Variants in MIDEAS observed in about 807,000 individuals in gnomAD.
The protein encoded by MIDEAS is mitotic deacetylase associated SANT domain protein.
MIDEAS carries 26 observed loss-of-function variants against 102.7 expected under a neutral mutation model. The observed-to-expected ratio is 0.25, with a 90% CI of 0.19 to 0.35. MIDEAS has a LOEUF of 0.35. Among genes scored for constraint, MIDEAS ranks in the 10% least tolerant of loss-of-function variants. MIDEAS has a pLI of 1.00. For synonymous variants in MIDEAS, 585 were observed against 591.0 expected (o/e 0.99, Z 0.15); for missense variants, 1,231 against 1,435.6 (o/e 0.86, Z 2.30).
chr14:73,736,455 C>A (rs1265487180), intron 3 of MIDEAS, among the ~76,000 whole-genome samples: 2 of 151,988 alleles, frequency 1.3e-5, no homozygotes, highest in African/African-American at 4.8e-5. Context: ...CATGGTGAAA[C>A]CCCATCTCTA....
chr14:73,727,332 T>A, intron 5 of MIDEAS, 126 bp downstream of exon 5: 1 of 996,354 alleles, frequency 1.0e-6, no homozygotes, highest in East Asian at 2.5e-5. Context: ...ATACAGAAGC[T>A]CAAGGAGGCC....
intron 3 of MIDEAS, among the ~76,000 whole-genome samples, chr14:73,736,390 A>G (rs12588916): frequency 0.68 from 102,734 of 151,830 alleles, 35,027 homozygotes; most frequent in East Asian, 0.86. Context: ...CCAAAACTCT[A>G]GGAGGCTGAG....
chr14:73,743,997 G>A (rs1310734017), intron 1 of MIDEAS, among the ~76,000 whole-genome samples: 1 of 151,642 alleles, frequency 6.6e-6, no homozygotes, highest in Non-Finnish European at 1.5e-5. Context: ...CAGGCTTTCA[G>A]GAAGTTCTAT....
At chr14:73,784,109 T>C (rs970002213) in intron 1 of MIDEAS, among the ~76,000 whole-genome samples, 14 of 152,238 alleles carry the variant, frequency 9.2e-5, no homozygotes, top group African/African-American at 3.1e-4. Flanking sequence ...TATTTTTTCC[T>C]CTTAGAACAA....
intron 1 of MIDEAS, among the ~76,000 whole-genome samples, chr14:73,769,044 T>C (rs1218755317): frequency 6.6e-6 from 1 of 152,204 alleles, no homozygotes; most frequent in Non-Finnish European, 1.5e-5. Context: ...TCTGAGTGCG[T>C]AACTCCTGGG....
intron 1 of MIDEAS, among the ~76,000 whole-genome samples, chr14:73,779,609 C>T (rs1299745914): frequency 4.2e-5 from 5 of 119,586 alleles, no homozygotes; most frequent in South Asian, 2.8e-4. Context: ...CTCGCTCTGT[C>T]GCCCAGGCTG....
chr14:73,740,340 C>T (rs988992920), intron 1 of MIDEAS, 85 bp from the exon 2 acceptor site: 1 of 399,342 alleles, frequency 2.5e-6, no homozygotes, highest in Non-Finnish European at 4.4e-6. Context: ...AAAGGGGCTC[C>T]AAGGGCCTTC....
rs946258541 is a variant in MIDEAS, at chr14:73,730,293, C to T, written c.1750-308G>A. On this transcript the variant is annotated intron_variant, in intron 3 of 12. Transcript: ENST00000423556. ...TAAAACTAACTGTATAAAATTGTAA[C>T]ACATTCTTAGCTCTGGATCTGGCCC... 9 of 474,042 alleles carry T rather than the reference C, an allele frequency of 1.9e-5. No homozygotes were observed. In the Admixed American group the frequency reaches 2.7e-4, roughly 14 times the overall value. The allele number at this position is 474,042 out of a possible 1,614,324, so 29.4% of individuals were successfully genotyped here.
In MIDEAS at chr14:73,715,623, C is replaced by A. The variant is rs2052874234; in HGVS notation, c.*3220G>T. 6.6e-6 allele frequency: 1 copy of A among 152,436 alleles called. No individual in the cohort carries two copies. 9.4% of individuals were successfully genotyped at this position (152,436 alleles called of 1,614,324 possible). A position where few individuals can be genotyped will look rare whatever the true frequency, so the allele number is the denominator to read the frequency against. ...CAATTGTTTTATAAAAATATCCCTA[C>A]TTCCTGTAAACCTATGGAGTTAGGC... On this transcript the variant is annotated 3_prime_UTR_variant, in exon 13 of 13. Coordinates refer to ENST00000423556, the MANE Select transcript of MIDEAS (RefSeq NM_001367710.1).
chr14:73,736,945 G>A, intron 3 of MIDEAS, 53 bp downstream of exon 3: 2 of 1,551,742 alleles, frequency 1.3e-6, no homozygotes, highest in Non-Finnish European at 1.8e-6. Context: ...TAGGGTCCTG[G>A]GCCCCCTGAG....
At position 73,729,655 on chromosome 14, in the gene MIDEAS, T is replaced by C; in HGVS notation, c.2080A>G (p.Thr694Ala). The stretch of plus-strand genomic sequence containing the variant: ...GGTCACTCACTAGTCCGGAGCAGCG[T>C]GCGATGGGCACTCTTAGGCGTGATG... ...PPITPKSAHRTLLRTNSAEVT... is the reference protein window; with the variant it reads ...PPITPKSAHRALLRTNSAEVT... The change falls in exon 4 of 13, where the codon ACG (threonine) becomes GCG (alanine). Residue 694 changes from threonine (T) to alanine (A), a missense_variant. By Grantham distance (58) the Thr-to-Ala change is moderately conservative (BLOSUM62 0). Coordinates refer to ENST00000423556, the MANE Select transcript of MIDEAS (RefSeq NM_001367710.1). 1 of 1,609,966 alleles carries C rather than the reference T, an allele frequency of 6.2e-7. No homozygotes were observed. Among genetic ancestry groups the C allele is most frequent in the Non-Finnish European group, 8.5e-7 (1 of 1,177,440 alleles).
intron 10 of MIDEAS, among the ~76,000 whole-genome samples, chr14:73,722,089 A>G (rs2053003266): frequency 6.6e-6 from 1 of 152,184 alleles, no homozygotes; most frequent in Admixed American, 6.5e-5. Flanking sequence ...ATACTTCTCT[A>G]GACTTGATAA....
chr14:73,788,357 T>G (rs2053838466), upstream of MIDEAS, among the ~76,000 whole-genome samples: 2 of 152,210 alleles, frequency 1.3e-5, no homozygotes. Context: ...CCCCTTTCAA[T>G]GCTTCATCTT....
In MIDEAS at chr14:73,739,176, G is replaced by A. The variant is rs1385871883; in HGVS notation, c.833C>T (p.Pro278Leu). The A allele has an allele frequency of 3.7e-6, 6 of 1,613,886 alleles. No homozygotes were observed. Among genetic ancestry groups the A allele is most frequent in the Admixed American group, 1.7e-5 (1 of 60,008 alleles). The change falls in exon 2 of 13, where the codon CCG becomes CTG. Residue 278 changes from proline (P) to leucine (L), a missense_variant. Transcript: ENST00000423556. The part of the protein sequence containing the change: ...MPLFENFYSM[P>L]QQPSQQPQDF... ...CTGGGGTTGCTGCGAGGGTTGCTGCGGCATGGAATAGAAGTTCTCAAAGAG... is the reference window on the plus strand; with the variant it reads ...CTGGGGTTGCTGCGAGGGTTGCTGCAGCATGGAATAGAAGTTCTCAAAGAG...
In MIDEAS at chr14:73,744,046, G is replaced by A. The variant is rs2140132139; in HGVS notation, c.-247-3791C>T. On this transcript the variant is annotated intron_variant, in intron 1 of 12. Coordinates refer to ENST00000423556, the MANE Select transcript of MIDEAS (RefSeq NM_001367710.1). Reference sequence around the variant, plus strand: ...TACTCTCTATAGAAGAAAGCAGTGTGCACCAGGAAAAAAAAATAAAAAACA... The same window carrying A: ...TACTCTCTATAGAAGAAAGCAGTGTACACCAGGAAAAAAAAATAAAAAACA... 1.4e-5 allele frequency among the ~76,000 whole-genome samples: 2 copies of A among 144,096 alleles called. 1 individual carries two copies. Among genetic ancestry groups the A allele is most frequent in the South Asian group, 4.3e-4 (2 of 4,692 alleles). 94.5% of individuals were successfully genotyped at this position (144,096 alleles called of 152,430 possible). A position where few individuals can be genotyped will look rare whatever the true frequency, so the allele number is the denominator to read the frequency against.
Position 73,718,170 on chromosome 14 carries a change from T to G in MIDEAS, c.*673A>C, listed in dbSNP as rs1391031954. Reference sequence around the variant, plus strand: ...GCCCCTCCCCCAACGCTGAGAAAACTTTCTAGCCCTAGCAAGGCCGCCAGC... The same window carrying G: ...GCCCCTCCCCCAACGCTGAGAAAACGTTCTAGCCCTAGCAAGGCCGCCAGC... On this transcript the variant is annotated 3_prime_UTR_variant, in exon 13 of 13. Transcript: ENST00000423556. 1 of 152,318 alleles carries G rather than the reference T, an allele frequency of 6.6e-6. No homozygotes were observed. The highest frequency in any genetic ancestry group is 1.5e-5 in the Non-Finnish European group (1 of 68,224). 9.4% of individuals were successfully genotyped at this position (152,318 alleles called of 1,614,324 possible).
Position 73,781,840 on chromosome 14 carries a change from C to T in MIDEAS, c.-248+5262G>A, listed in dbSNP as rs183344613. Reference sequence around the variant, plus strand: ...GGGAGGCCAAGGCGGGTGGATCACCCGAAGTCAAGGGTTCAAGACCAGCCT... The same window carrying T: ...GGGAGGCCAAGGCGGGTGGATCACCTGAAGTCAAGGGTTCAAGACCAGCCT... On this transcript the variant is annotated intron_variant, in intron 1 of 11. Coordinates refer to the MIDEAS transcript ENST00000394071. Among the ~76,000 whole-genome samples, 11 of 151,966 alleles carry T rather than the reference C, an allele frequency of 7.2e-5. No homozygotes were observed. In the East Asian group the frequency reaches 1.2e-3, roughly 16 times the overall value.
rs1041481319 is a variant in MIDEAS at position 73,719,240 on chromosome 14, C to A, written c.3134+65G>T. On this transcript the variant is annotated intron_variant, in intron 12 of 12. Transcript: ENST00000423556. ...TACCTCTTCCCCCTCCCCTCCACCC[C>A]ACCCCCGCCCCCTCCGCGCACCAGC... 50 of 1,486,090 alleles carry A rather than the reference C, an allele frequency of 3.4e-5. 1 individual carries two copies. The highest frequency in any genetic ancestry group is 4.4e-5 in the Non-Finnish European group (49 of 1,114,682). The allele number at this position is 1,486,090 out of a possible 1,614,324, so 92.1% of individuals were successfully genotyped here.
At chr14:73,758,552 C>A (rs1214927338) in intron 1 of MIDEAS, among the ~76,000 whole-genome samples, 1 of 152,250 alleles carries the variant, frequency 6.6e-6, no homozygotes, top group Non-Finnish European at 1.5e-5. Context: ...GGATCCCCTG[C>A]ATACGCGGGC....
Sources: allele counts gnomAD v4.1 joint callset (sites outside exome capture counted in the v4.1 genomes callset), GRCh38; gene constraint gnomAD v4.1.1; transcripts MANE v1.5; gene names NCBI Gene and HGNC (gene_info 2026-07-23, HGNC 2026-07-21).